The following CYP2S1 variants were observed in gnomAD, a reference collection of about 807,000 sequenced individuals.
The protein encoded by CYP2S1 is cytochrome P450 2S1.
In CYP2S1, 32 loss-of-function variants were observed where a neutral mutation model predicts 43.5. The ratio of observed to expected loss-of-function variants is 0.74; its 90% confidence interval spans 0.56 to 0.99. CYP2S1 has a LOEUF of 0.99. Among genes scored for constraint, CYP2S1 ranks in the 50% least tolerant of loss-of-function variants. The pLI is 0.00. For missense variants in CYP2S1, 575 were observed against 673.9 expected, an observed-to-expected ratio of 0.85 and a Z score of 1.62; for synonymous variants, 283 against 302.9, an observed-to-expected ratio of 0.93 and a Z score of 0.68.
chr19:41,205,694 T>A (rs2033566546), intron 7 of CYP2S1, among the ~76,000 whole-genome samples: 1 of 152,018 alleles, frequency 6.6e-6, no homozygotes, highest in South Asian at 2.1e-4. Flanking sequence ...GCTAATTTTT[T>A]AATTTTTCCT....
intron 7 of CYP2S1, among the ~76,000 whole-genome samples, chr19:41,204,743 G>C (rs1045154848): frequency 6.6e-6 from 1 of 151,808 alleles, no homozygotes; most frequent in Non-Finnish European, 1.5e-5. Context: ...GATTACAGGT[G>C]TATGCCACCA....
At position 41,206,579 on chromosome 19, in the gene CYP2S1, A is replaced by G. The variant is rs1289780636; in HGVS notation, c.*91A>G. The G allele has an allele frequency of 2.0e-6, 3 of 1,493,086 alleles. No individual in the cohort carries two copies. The highest frequency in any genetic ancestry group is 2.8e-6 in the Non-Finnish European group (3 of 1,073,844). The allele number at this position is 1,493,086 out of a possible 1,614,324, so 92.5% of individuals were successfully genotyped here. On this transcript the variant is annotated 3_prime_UTR_variant, in exon 9 of 9. Transcript: ENST00000310054. Reference sequence around the variant, plus strand: ...CAGGGTTAATGTCTCCAGAGTGTACACTGCAGGCAGCCACATTTACACGCC... The same window carrying G: ...CAGGGTTAATGTCTCCAGAGTGTACGCTGCAGGCAGCCACATTTACACGCC...
At chr19:41,195,973 C>T (rs1222084449) in intron 2 of CYP2S1, among the ~76,000 whole-genome samples, 1 of 151,986 alleles carries the variant, frequency 6.6e-6, no homozygotes, top group Non-Finnish European at 1.5e-5. Flanking sequence ...GGTGTCCTCT[C>T]CTACTGTGGG....
Position 41,193,276 on chromosome 19 carries a change from C to A in CYP2S1, c.12C>A (p.Thr4=). Residue 4 remains threonine, a synonymous_variant, in exon 1 of 9, where the codon ACC becomes ACA. Coordinates refer to ENST00000310054, the MANE Select transcript of CYP2S1 (RefSeq NM_030622.8). MEA[T]GTWALLLALA... is the part of the protein sequence containing the mutation. Reference sequence around the variant, plus strand: ...GCCGACCTGCCGAGATGGAGGCGACCGGCACCTGGGCGCTGCTGCTGGCGC... The same window carrying A: ...GCCGACCTGCCGAGATGGAGGCGACAGGCACCTGGGCGCTGCTGCTGGCGC... The A allele has an allele frequency of 6.5e-7, 1 of 1,540,852 alleles. No individual in the cohort carries two copies. Among genetic ancestry groups the A allele is most frequent in the Non-Finnish European group, 8.7e-7 (1 of 1,145,964 alleles).
In CYP2S1 at chr19:41,194,475, G is replaced by A. The variant is rs888959666; in HGVS notation, c.178-69G>A. On this transcript the variant is annotated intron_variant, in intron 1 of 8. Coordinates refer to ENST00000310054, the MANE Select transcript of CYP2S1 (RefSeq NM_030622.8). The stretch of plus-strand genomic sequence containing the variant: ...ACCCGGTGGCTCCTCAAGTGACAGG[G>A]GCCATGATGGAGACACCTTGGATCG... 49 of 1,479,984 alleles carry A rather than the reference G, an allele frequency of 3.3e-5. 1 individual carries two copies. The highest frequency in any genetic ancestry group is 1.0e-4 in the Admixed American group (4 of 39,916). 91.7% of individuals were successfully genotyped at this position (1,479,984 alleles called of 1,614,324 possible).
In CYP2S1 at chr19:41,206,544, T is replaced by C. The variant is rs2033582701; in HGVS notation, c.*56T>C. 1 of 1,596,640 alleles carries C rather than the reference T, an allele frequency of 6.3e-7. No individual in the cohort carries two copies. The highest frequency in any genetic ancestry group is 1.3e-5 in the African/African-American group (1 of 74,518). Reference sequence around the variant, plus strand: ...AGGACGGTGCCTCCAGCCTCAACAGTGGGCATGGACAGGGTTAATGTCTCC... The same window carrying C: ...AGGACGGTGCCTCCAGCCTCAACAGCGGGCATGGACAGGGTTAATGTCTCC... On this transcript the variant is annotated 3_prime_UTR_variant, in exon 9 of 9. Transcript: ENST00000310054.
chr19:41,198,773 A>G lies in CYP2S1; in HGVS notation c.719A>G (p.His240Arg). The G allele has an allele frequency of 6.2e-7, 1 of 1,613,968 alleles. No individual in the cohort carries two copies. Among genetic ancestry groups the G allele is most frequent in the Non-Finnish European group, 8.5e-7 (1 of 1,179,984 alleles). ...GGCCCCCACAAGCAGCTCCTCCACC[A>G]CGTCAGCACCTTGGCTGCCTTCACA... ...LPGPHKQLLH[H>R]VSTLAAFTVR... The change falls in exon 5 of 9, where the codon CAC becomes CGC. Residue 240 changes from histidine to arginine, a missense_variant. His to Arg is a conservative substitution (Grantham distance 29). This residue lies in a region of CYP2S1 where 353 missense variants were observed against 367.6 expected (regional missense o/e 0.96). Coordinates refer to ENST00000310054, the MANE Select transcript of CYP2S1 (RefSeq NM_030622.8). This position sits in a 1 kb window ranked among gnomAD's most constrained non-coding sequence, Gnocchi z 4.9.
At position 41,198,407 on chromosome 19, in the gene CYP2S1, G is replaced by A. The variant is rs1419372052; in HGVS notation, c.494-55G>A. 2 of 1,598,260 alleles carry A rather than the reference G, an allele frequency of 1.3e-6. No individual in the cohort carries two copies. The highest frequency in any genetic ancestry group is 1.3e-5 in the African/African-American group (1 of 74,832). On this transcript the variant is annotated intron_variant, in intron 3 of 8. Coordinates refer to ENST00000310054, the MANE Select transcript of CYP2S1 (RefSeq NM_030622.8). The surrounding 1 kb of genome is among the most constrained non-coding windows in gnomAD (Gnocchi z 4.9). ...CTCTGGTTGGGTTCAGCTCCAACCT[G>A]CTCCCCTCTGCCTGGCTCCATCACA...
chr19:41,196,550 G>T (rs116401512), intron 2 of CYP2S1, among the ~76,000 whole-genome samples: 91 of 152,226 alleles, frequency 6.0e-4, no homozygotes, highest in African/African-American at 2.1e-3. Flanking sequence ...GGGGCCAGGG[G>T]ATGGGGAGGA....
rs371166026 is a variant in CYP2S1 at position 41,207,125 on chromosome 19, C to G, written c.*637C>G. The stretch of plus-strand genomic sequence containing the variant: ...CCCAGAGTATCTTCCCACTGAGACA[C>G]GCCGCCCCCACAGAGGCACAGTCCC... On this transcript the variant is annotated 3_prime_UTR_variant, in exon 9 of 9. Coordinates refer to ENST00000310054, the MANE Select transcript of CYP2S1 (RefSeq NM_030622.8). The G allele has an allele frequency of 3.3e-6, 1 of 301,946 alleles. No individual in the cohort carries two copies. Among genetic ancestry groups the G allele is most frequent in the African/African-American group, 2.2e-5 (1 of 46,186 alleles). 18.7% of individuals were successfully genotyped at this position (301,946 alleles called of 1,614,324 possible). A position where few individuals can be genotyped will look rare whatever the true frequency, so the allele number is the denominator to read the frequency against.
intron 5 of CYP2S1, 46 bp from the exon 6 acceptor site, chr19:41,201,185 T>C (rs1599714344): frequency 1.9e-6 from 3 of 1,598,400 alleles, no homozygotes; most frequent in South Asian, 1.1e-5. Context: ...GACATTTACT[T>C]CCCAAAGGCT....
At chr19:41,202,415 G>A (rs1041051553) in intron 6 of CYP2S1, among the ~76,000 whole-genome samples, 1 of 152,140 alleles carries the variant, frequency 6.6e-6, no homozygotes, top group Admixed American at 6.5e-5. Context: ...CAGTGACTTG[G>A]GTTCTCTGAG....
At chr19:41,205,897 T>G in intron 7 of CYP2S1, 61 bp from the exon 8 acceptor site, 1 of 1,582,596 alleles carries the variant, frequency 6.3e-7, no homozygotes. Flanking sequence ...TACTCCACAC[T>G]CGAGGACCAA....
intron 5 of CYP2S1, among the ~76,000 whole-genome samples, chr19:41,199,537 C>T (rs1226434337): frequency 6.6e-6 from 1 of 151,062 alleles, no homozygotes; most frequent in Non-Finnish European, 1.5e-5. Flanking sequence ...TGCACCACCA[C>T]ACCTGGCTAA....
Position 41,193,435 on chromosome 19 carries a change from C to A in CYP2S1, c.171C>A (p.Leu57=). The A allele has an allele frequency of 6.8e-7, 1 of 1,461,066 alleles. No individual in the cohort carries two copies. 90.5% of individuals were successfully genotyped at this position (1,461,066 alleles called of 1,614,324 possible). Residue 57 remains leucine, a synonymous_variant, in exon 1 of 9, where the codon CTC becomes CTA. Coordinates refer to ENST00000310054, the MANE Select transcript of CYP2S1 (RefSeq NM_030622.8). The part of the protein sequence containing the change: ...QLRPGALYSG[L]MRLSKKYGPV... ...GGCCCGGGGCGCTGTATTCAGGGCT[C>A]ATGCGGGTAAGGGGCTCTGGGGACG...
At position 41,198,983 on chromosome 19, in the gene CYP2S1, C is replaced by T. The variant is rs1228135235; in HGVS notation, c.834+95C>T. Reference sequence around the variant, plus strand: ...CCCTGGGGACCTCAATTGGGTTCCTCTCTCTTTCTCTCTCTGCATGTCTCT... The same window carrying T: ...CCCTGGGGACCTCAATTGGGTTCCTTTCTCTTTCTCTCTCTGCATGTCTCT... On this transcript the variant is annotated intron_variant, in intron 5 of 8. Transcript: ENST00000310054. The surrounding 1 kb of genome is among the most constrained non-coding windows in gnomAD (Gnocchi z 4.9). The T allele has an allele frequency of 5.1e-6, 7 of 1,368,692 alleles. No homozygotes were observed. The East Asian group carries it at 1.5e-4, about 28-fold the overall frequency. 84.8% of individuals were successfully genotyped at this position (1,368,692 alleles called of 1,614,324 possible). A position where few individuals can be genotyped will look rare whatever the true frequency, so the allele number is the denominator to read the frequency against.
At chr19:41,206,247 A>C (rs1265889525) in intron 8 of CYP2S1, 33 bp from the exon 9 acceptor site, 3 of 1,607,184 alleles carry the variant, frequency 1.9e-6, no homozygotes, top group African/African-American at 1.4e-5. Flanking sequence ...AGGAATACTG[A>C]CTCAGCCCTC....
rs1419870454 is a variant in CYP2S1, at chr19:41,197,826, A to G, written c.391A>G (p.Thr131Ala). Residue 131 changes from threonine to alanine, a missense_variant, in exon 3 of 9, where the codon ACC (threonine) becomes GCC (alanine). Transcript: ENST00000310054. Reference protein sequence around the residue: ...GERWRQLRKFTMLALRDLGMG... With the variant: ...GERWRQLRKFAMLALRDLGMG... ...GCGGTGGAGGCAGCTGAGGAAGTTTACCATGCTTGCTCTGCGGGACCTGGG... is the reference window on the plus strand; with the variant it reads ...GCGGTGGAGGCAGCTGAGGAAGTTTGCCATGCTTGCTCTGCGGGACCTGGG... 2.5e-6 allele frequency: 4 copies of G among 1,614,042 alleles called. No homozygotes were observed. The highest frequency in any genetic ancestry group is 2.5e-6 in the Non-Finnish European group (3 of 1,180,030).
At chr19:41,200,183 A>G (rs1301423779) in intron 5 of CYP2S1, among the ~76,000 whole-genome samples, 1 of 151,924 alleles carries the variant, frequency 6.6e-6, no homozygotes, top group Non-Finnish European at 1.5e-5. Flanking sequence ...TTTATTGAAT[A>G]TTTTTTAGTT....
Sources: gnomAD v4.1 joint callset for allele counts (sites outside exome capture counted in the v4.1 genomes callset) on GRCh38, gnomAD v4.1.1 for gene constraint, gnomAD v4.1.1 regional missense constraint, Gnocchi (gnomAD v3.1) non-coding constraint, MANE v1.5 for transcripts, NCBI Gene and HGNC (gene_info 2026-07-23, HGNC 2026-07-21) for gene names.